Variants in ROBO1 observed in about 807,000 individuals in gnomAD.
ROBO1 encodes roundabout homolog 1.
Under a neutral mutation model 195.9 loss-of-function variants are expected in ROBO1, and 149 were observed. That is an observed-to-expected ratio of 0.76 (90% CI 0.67 to 0.87). ROBO1 has a LOEUF of 0.87. Ranked by LOEUF, ROBO1 falls within the 40% of genes least tolerant of loss-of-function variation. The pLI is 0.00. For missense variants in ROBO1, 1,933 were observed against 2,068.3 expected, an observed-to-expected ratio of 0.93 and a Z score of 1.27; for synonymous variants, 816 against 733.2, an observed-to-expected ratio of 1.11 and a Z score of -1.82.
At chr3:79,550,191 G>GGA (rs1559984360) in intron 2 of ROBO1, among the ~76,000 whole-genome samples, 43 of 86,928 alleles carry the variant, frequency 4.9e-4, no homozygotes, top group African/African-American at 1.8e-3. Flanking sequence ...AAGAAAGAAA[G>GGA]AAAGGAAAAG....
rs549277900 is a variant in ROBO1, at chr3:79,073,016, G to T, written c.172+52440C>A. ...AAACTGAATGTCTGACAACTGATTA[G>T]ATAATTGCATATTCTACTAAAAACT... On this transcript the variant is annotated intron_variant, in intron 3 of 30. Coordinates refer to ENST00000464233, the MANE Select transcript of ROBO1 (RefSeq NM_002941.4). 4.6e-5 allele frequency among the ~76,000 whole-genome samples: 7 copies of T among 152,040 alleles called. No individual in the cohort carries two copies. The South Asian group carries it at 1.5e-3, about 32-fold the overall frequency.
intron 8 of ROBO1, among the ~76,000 whole-genome samples, chr3:78,702,840 C>T (rs951452854): frequency 2.8e-4 from 43 of 152,034 alleles, no homozygotes; most frequent in African/African-American, 8.9e-4. Flanking sequence ...GCCTATGATG[C>T]GCTATTTACT....
chr3:78,778,846 A>T (rs1227908577), intron 4 of ROBO1, among the ~76,000 whole-genome samples: 1 of 152,324 alleles, frequency 6.6e-6, no homozygotes, highest in African/African-American at 2.4e-5. Context: ...GCATCATGCT[A>T]TCTAACTTCA....
intron 2 of ROBO1, among the ~76,000 whole-genome samples, chr3:79,266,157 C>T (rs2029925976): frequency 1.3e-5 from 2 of 151,532 alleles, no homozygotes; most frequent in African/African-American, 4.8e-5. Context: ...AAGATTCCCA[C>T]ACACATCTGC....
chr3:79,111,379 T>G (rs750608347), intron 3 of ROBO1, among the ~76,000 whole-genome samples: 1 of 152,036 alleles, frequency 6.6e-6, no homozygotes, highest in Non-Finnish European at 1.5e-5. Flanking sequence ...GCTGGATGGG[T>G]TCAGACAAAA....
At chr3:79,018,036 G>A (rs1477875702) in intron 3 of ROBO1, among the ~76,000 whole-genome samples, 1 of 152,190 alleles carries the variant, frequency 6.6e-6, no homozygotes, top group Non-Finnish European at 1.5e-5. Context: ...GAAGCAGCCG[G>A]CGGCTGATAC....
At chr3:79,682,312 C>A (rs1037795881) in intron 1 of ROBO1, among the ~76,000 whole-genome samples, 1 of 151,892 alleles carries the variant, frequency 6.6e-6, no homozygotes, top group Non-Finnish European at 1.5e-5. Context: ...TTGAGAAAGA[C>A]CTGTGGCTGC....
At chr3:79,588,966 T>A (rs997957881) in intron 2 of ROBO1, among the ~76,000 whole-genome samples, 1 of 151,712 alleles carries the variant, frequency 6.6e-6, no homozygotes, top group Non-Finnish European at 1.5e-5. Flanking sequence ...TGGATGAACA[T>A]GACAAGTTAC....
At chr3:79,362,550 G>A (rs2035811380) in intron 2 of ROBO1, among the ~76,000 whole-genome samples, 1 of 152,130 alleles carries the variant, frequency 6.6e-6, no homozygotes, top group African/African-American at 2.4e-5. Flanking sequence ...GTCTTTCCTT[G>A]AAGGAAATGG....
intron 2 of ROBO1, among the ~76,000 whole-genome samples, chr3:79,145,368 CACAT>C (rs1408813427): frequency 0.1 from 1,784 of 17,106 alleles, 34 homozygotes; most frequent in African/African-American, 0.23. Context: ...AATACACACA[CACAT>C]ACACACACAC....
chr3:79,337,792 GAAATCATT>G (rs2034737640), intron 2 of ROBO1, among the ~76,000 whole-genome samples: 1 of 152,042 alleles, frequency 6.6e-6, no homozygotes, highest in Non-Finnish European at 1.5e-5. Flanking sequence ...AACTTGTTCA[GAAATCATT>G]ATACAAAATA....
rs193087057 is a variant in ROBO1 at position 78,863,331 on chromosome 3, C to T, written c.499+75270G>A. ...TATGAGCCTATGACATCCACTGAAA[C>T]TCTCTCCTATTTTATATAGCCCATA... On this transcript the variant is annotated intron_variant, in intron 4 of 30. Transcript: ENST00000464233. Among the ~76,000 whole-genome samples the T allele has an allele frequency of 1.2e-4, 19 of 152,280 alleles. No individual in the cohort carries two copies. The East Asian group carries it at 3.7e-3, about 29-fold the overall frequency.
At chr3:78,766,266 A>G (rs365924) in intron 4 of ROBO1, among the ~76,000 whole-genome samples, 147,296 of 152,216 alleles carry the variant, frequency 0.97, 71,451 homozygotes, top group East Asian at 1. Context: ...GGAACAGAGC[A>G]TCTGCCTCAG....
At chr3:79,530,390 A>G (rs192208626) in intron 2 of ROBO1, among the ~76,000 whole-genome samples, 2 of 152,216 alleles carry the variant, frequency 1.3e-5, no homozygotes, top group African/African-American at 4.8e-5. Context: ...TGCCAGTTTG[A>G]CATTACTACC....
intron 1 of ROBO1, among the ~76,000 whole-genome samples, chr3:79,677,272 G>T (rs2106943935): frequency 6.6e-6 from 1 of 152,180 alleles, no homozygotes; most frequent in South Asian, 2.1e-4. Context: ...GCTGTGTTAA[G>T]AAACCTACAT....
At chr3:79,467,293 T>A (rs73129039) in intron 2 of ROBO1, among the ~76,000 whole-genome samples, 38,048 of 151,582 alleles carry the variant, frequency 0.25, 5,923 homozygotes, top group East Asian at 0.38. Flanking sequence ...AAGACAGAAA[T>A]ACTGATTAGA....
chr3:78,883,572 A>T (rs145742742), intron 4 of ROBO1, among the ~76,000 whole-genome samples: 1 of 151,906 alleles, frequency 6.6e-6, no homozygotes, highest in East Asian at 2.0e-4. Context: ...CTGTGGTGAC[A>T]GGGTCTCAAA....
chr3:79,747,999 T>C (rs1703948102), intron 1 of ROBO1, among the ~76,000 whole-genome samples: 1 of 152,116 alleles, frequency 6.6e-6, no homozygotes, highest in South Asian at 2.1e-4. Flanking sequence ...CTTTTTTACT[T>C]GGATTTCTAT....
At position 79,033,903 on chromosome 3, in the gene ROBO1, A is replaced by G. The variant is rs369605326; in HGVS notation, c.172+91553T>C. On this transcript the variant is annotated intron_variant, in intron 3 of 30. Coordinates refer to ENST00000464233, the MANE Select transcript of ROBO1 (RefSeq NM_002941.4). Reference sequence around the variant, plus strand: ...AATAGGATTTTATCCCACCGGCTCGACCTTCTTATTCTACCCTCAGAACTA... The same window carrying G: ...AATAGGATTTTATCCCACCGGCTCGGCCTTCTTATTCTACCCTCAGAACTA... Among the ~76,000 whole-genome samples, 19 of 152,208 alleles carry G rather than the reference A, an allele frequency of 1.2e-4. 1 individual carries two copies. The highest frequency in any genetic ancestry group is 4.3e-4 in the African/African-American group (18 of 41,538).
Sources: gnomAD v4.1 joint callset for allele counts (sites outside exome capture counted in the v4.1 genomes callset) on GRCh38, gnomAD v4.1.1 for gene constraint, MANE v1.5 for transcripts, NCBI Gene and HGNC (gene_info 2026-07-23, HGNC 2026-07-21) for gene names.